MACROD2: variants seen among roughly 807,000 people sequenced by gnomAD.
The protein encoded by MACROD2 is mono-ADP ribosylhydrolase 2, also known as ADP-ribose glycohydrolase MACROD2.
A neutral mutation model predicts 70.4 loss-of-function variants in MACROD2; 36 were observed. The observed-to-expected ratio is 0.51, with a 90% confidence interval of 0.39 to 0.68. MACROD2 has a LOEUF of 0.68. MACROD2 is among the 30% of genes least tolerant of loss of function. MACROD2 has a pLI of 0.00. For missense variants in MACROD2, 496 were observed against 538.4 expected (o/e 0.92, Z 0.78); for synonymous variants, 172 against 178.8 (o/e 0.96, Z 0.30).
At chr20:15,883,359 A>G (rs546741718) in intron 9 of MACROD2, among the ~76,000 whole-genome samples, 3 of 152,186 alleles carry the variant, frequency 2.0e-5, no homozygotes, top group African/African-American at 7.2e-5. Context: ...ACTTTGTAAC[A>G]TTTTGGTAAT....
intron 2 of MACROD2, among the ~76,000 whole-genome samples, chr20:14,050,594 C>T (rs2053552723): frequency 6.6e-6 from 1 of 152,032 alleles, no homozygotes; most frequent in African/African-American, 2.4e-5. Context: ...AGAAAACCAA[C>T]AGTGCAAAAC....
At chr20:15,276,825 C>G (rs994383206) in intron 6 of MACROD2, among the ~76,000 whole-genome samples, 3 of 152,198 alleles carry the variant, frequency 2.0e-5, no homozygotes, top group Non-Finnish European at 4.4e-5. Context: ...GACAAAAGAA[C>G]TTTAAAGTCT....
intron 8 of MACROD2, among the ~76,000 whole-genome samples, chr20:15,669,935 G>C (rs556809579): frequency 1.3e-5 from 2 of 152,274 alleles, no homozygotes; most frequent in East Asian, 3.9e-4. Flanking sequence ...ATGGTGCTGT[G>C]TGTTTTGTGT....
chr20:15,788,025 G>T (rs912584379), intron 8 of MACROD2, among the ~76,000 whole-genome samples: 19 of 152,288 alleles, frequency 1.2e-4, no homozygotes, highest in African/African-American at 4.6e-4. Context: ...CAAAGGCAAA[G>T]AATGACTTTG....
chr20:14,602,002 A>G (rs1363504833), intron 4 of MACROD2, among the ~76,000 whole-genome samples: 1 of 152,162 alleles, frequency 6.6e-6, no homozygotes, highest in African/African-American at 2.4e-5. Flanking sequence ...TTGACGCTCA[A>G]AGCTTCTTGA....
At chr20:15,206,362 A>G (rs112428597) in intron 5 of MACROD2, among the ~76,000 whole-genome samples, 1,799 of 152,278 alleles carry the variant, frequency 0.012, 28 homozygotes, top group African/African-American at 0.041. Flanking sequence ...TGGAACTTAC[A>G]TGGAGCTATT....
At chr20:15,157,309 A>T in intron 5 of MACROD2, among the ~76,000 whole-genome samples, 1 of 148,044 alleles carries the variant, frequency 6.8e-6, no homozygotes, top group African/African-American at 2.5e-5. Flanking sequence ...TCCTATCATG[A>T]GGGTCATGCT....
intron 5 of MACROD2, among the ~76,000 whole-genome samples, chr20:15,219,714 T>C (rs529878116): frequency 5.0e-4 from 76 of 152,222 alleles, no homozygotes; most frequent in African/African-American, 1.8e-3. Flanking sequence ...CAGAGAGAAA[T>C]CAGATCCGCT....
chr20:14,107,056 G>A (rs988944604), intron 3 of MACROD2, among the ~76,000 whole-genome samples: 2 of 152,188 alleles, frequency 1.3e-5, no homozygotes, highest in Non-Finnish European at 2.9e-5. Flanking sequence ...CTTAAATAAG[G>A]TAGTAGGGAC....
intron 3 of MACROD2, among the ~76,000 whole-genome samples, chr20:14,188,264 G>A (rs1041189045): frequency 6.6e-6 from 1 of 152,018 alleles, no homozygotes; most frequent in Admixed American, 6.6e-5. Flanking sequence ...ATATCTTTAT[G>A]TACCTCTTAC....
chr20:14,008,858 C>A (rs1469754426), intron 2 of MACROD2, among the ~76,000 whole-genome samples: 1 of 152,132 alleles, frequency 6.6e-6, no homozygotes, highest in Non-Finnish European at 1.5e-5. Context: ...AGATCACAAA[C>A]AAGCAATGGA....
At chr20:14,123,392 C>G (rs1266678225) in intron 3 of MACROD2, among the ~76,000 whole-genome samples, 1 of 152,068 alleles carries the variant, frequency 6.6e-6, no homozygotes. Flanking sequence ...TCTCTCCTAC[C>G]CAAATGCTCC....
chr20:14,728,394 T>C (rs1370673096), intron 5 of MACROD2, among the ~76,000 whole-genome samples: 1 of 152,126 alleles, frequency 6.6e-6, no homozygotes, highest in African/African-American at 2.4e-5. Context: ...TTATTTTCTT[T>C]ATTCTTCTCA....
At chr20:15,145,044 A>G (rs2076220547) in intron 5 of MACROD2, among the ~76,000 whole-genome samples, 1 of 152,032 alleles carries the variant, frequency 6.6e-6, no homozygotes, top group Admixed American at 6.5e-5. Context: ...GGAAATCCAA[A>G]CTCTAGCAAT....
At chr20:15,406,325 A>G (rs2046000673) in intron 6 of MACROD2, among the ~76,000 whole-genome samples, 2 of 152,208 alleles carry the variant, frequency 1.3e-5, no homozygotes, top group Non-Finnish European at 2.9e-5. Context: ...ACTTCATCAT[A>G]TTCTGCTGCC....
chr20:15,234,677 A>T (rs1601277266), intron 6 of MACROD2, among the ~76,000 whole-genome samples: 1 of 152,160 alleles, frequency 6.6e-6, no homozygotes, highest in Admixed American at 6.5e-5. Flanking sequence ...TATACATGAT[A>T]TCCTTGGCTA....
intron 3 of MACROD2, among the ~76,000 whole-genome samples, chr20:14,112,666 A>G (rs1465206057): frequency 6.6e-6 from 1 of 151,892 alleles, no homozygotes; most frequent in Non-Finnish European, 1.5e-5. Context: ...CTACCTTTGT[A>G]GATTCTAAAA....
At chr20:15,586,529 T>G (rs776927770) in intron 8 of MACROD2, among the ~76,000 whole-genome samples, 9 of 152,216 alleles carry the variant, frequency 5.9e-5, no homozygotes, top group Non-Finnish European at 1.2e-4. Flanking sequence ...TTTCTTAACA[T>G]GATAAAACAC....
intron 5 of MACROD2, among the ~76,000 whole-genome samples, chr20:15,034,231 A>G (rs1302967636): frequency 6.6e-6 from 1 of 152,188 alleles, no homozygotes; most frequent in Non-Finnish European, 1.5e-5. Flanking sequence ...CACTGCTACC[A>G]AATTTGATGG....
Sources: allele counts gnomAD v4.1 joint callset (sites outside exome capture counted in the v4.1 genomes callset), GRCh38; gene constraint gnomAD v4.1.1; transcripts MANE v1.5; gene names NCBI Gene and HGNC (gene_info 2026-07-23, HGNC 2026-07-21).